Variants in SMURF1 observed in about 807,000 individuals in gnomAD.
SMURF1 encodes SMAD specific E3 ubiquitin protein ligase 1.
Under a neutral mutation model 98.0 loss-of-function variants are expected in SMURF1, and 44 were observed. The ratio of observed to expected loss-of-function variants is 0.45; its 90% CI spans 0.35 to 0.58. The LOEUF (loss-of-function observed/expected upper bound fraction) is 0.58, where lower values mean the gene tolerates loss of function less well. Among genes scored for constraint, SMURF1 ranks in the 20% least tolerant of loss-of-function variants. The pLI is 0.00. For missense variants in SMURF1, 687 were observed against 938.4 expected (o/e 0.73, Z 3.50); for synonymous variants, 396 against 374.9 (o/e 1.06, Z -0.65).
rs751344088 is a variant in SMURF1 at position 99,042,281 on chromosome 7, A to T, written c.1257-49T>A. 3.6e-5 allele frequency: 41 copies of T among 1,128,952 alleles called. No individual in the cohort carries two copies. In the Admixed American group the frequency reaches 7.7e-4, roughly 21 times the overall value. 69.9% of individuals were successfully genotyped at this position (1,128,952 alleles called of 1,614,324 possible). On this transcript the variant is annotated intron_variant, in intron 11 of 17. Coordinates refer to ENST00000361368, the MANE Select transcript of SMURF1 (RefSeq NM_181349.3). ...ATTTGAGACGCGCTAAAATTTCTAC[A>T]TTTTTTTTTTTTCCCTGAGATGGAG...
intron 1 of SMURF1, among the ~76,000 whole-genome samples, chr7:99,121,415 G>A (rs529412496): frequency 6.6e-6 from 1 of 152,056 alleles, no homozygotes; most frequent in Non-Finnish European, 1.5e-5. Flanking sequence ...TTAACACTTA[G>A]CAGACCTATC....
intron 1 of SMURF1, among the ~76,000 whole-genome samples, chr7:99,120,416 A>G (rs1007017103): frequency 6.6e-6 from 1 of 152,104 alleles, no homozygotes; most frequent in Non-Finnish European, 1.5e-5. Flanking sequence ...CTCCAACACA[A>G]CCTAAACAAA....
intron 3 of SMURF1, among the ~76,000 whole-genome samples, chr7:99,060,335 C>T (rs1191825902): frequency 4.8e-5 from 7 of 146,024 alleles, no homozygotes; most frequent in Non-Finnish European, 8.9e-5. Flanking sequence ...GCTGAGATCA[C>T]GCCACCGCAC....
In SMURF1 at chr7:99,047,398, C is replaced by T. The variant is rs566375230; in HGVS notation, c.1152+286G>A. On this transcript the variant is annotated intron_variant, in intron 10 of 17. Transcript: ENST00000361368. ...TCTGTATACACCTCTAGGTTTTCACCTAGAGGTGAAACTATTTAGTTTTTC... is the reference window on the plus strand; with the variant it reads ...TCTGTATACACCTCTAGGTTTTCACTTAGAGGTGAAACTATTTAGTTTTTC... 3.9e-5 allele frequency among the ~76,000 whole-genome samples: 6 copies of T among 152,326 alleles called. No individual in the cohort carries two copies. The East Asian group carries it at 7.7e-4, about 20-fold the overall frequency.
At chr7:99,050,823 T>G in intron 8 of SMURF1, 1 of 871,516 alleles carries the variant, frequency 1.1e-6, no homozygotes, top group Non-Finnish European at 1.7e-6. Flanking sequence ...AAAAATCATA[T>G]TAGGTAGTAA....
chr7:99,083,184 G>GA (rs1243985840), intron 1 of SMURF1, among the ~76,000 whole-genome samples: 3 of 151,916 alleles, frequency 2.0e-5, no homozygotes, highest in African/African-American at 7.3e-5. Context: ...ACCACAGAAT[G>GA]GTACATTTAA....
At chr7:99,037,324 G>GCCT (rs773993275) in intron 14 of SMURF1, 137 bp from the exon 15 acceptor site, 31 of 1,067,362 alleles carry the variant, frequency 2.9e-5, no homozygotes, top group Non-Finnish European at 3.8e-5. Flanking sequence ...TGCAACCTCA[G>GCCT]CCTCCTGGGT....
In SMURF1 at chr7:99,047,811, T is replaced by C; in HGVS notation, c.1025A>G (p.Glu342Gly). ...TCTTTCGTATCTCTGGGCAGGAAGC[T>C]CCTCGTCCTCCAGAGAGCCCTCACT... ...LPSEGSLEDE[E>G]LPAQRYERDL... Residue 342 changes from glutamate (E) to glycine (G), a missense_variant, in exon 10 of 18, where the codon GAG becomes GGG. By Grantham distance (98) the Glu-to-Gly change is moderately conservative. Transcript: ENST00000361368. 1 of 1,614,152 alleles carries C rather than the reference T, an allele frequency of 6.2e-7. No homozygotes were observed. The highest frequency in any genetic ancestry group is 1.1e-5 in the South Asian group (1 of 91,068).
At chr7:99,039,057 G>C (rs1170375655) in intron 13 of SMURF1, among the ~76,000 whole-genome samples, 3 of 151,802 alleles carry the variant, frequency 2.0e-5, no homozygotes, top group Non-Finnish European at 4.4e-5. Context: ...GCCAGGTGTG[G>C]TGGCAGGCGC....
At chr7:99,074,280 T>C (rs1796402394) in intron 1 of SMURF1, among the ~76,000 whole-genome samples, 1 of 152,208 alleles carries the variant, frequency 6.6e-6, no homozygotes, top group Admixed American at 6.5e-5. Flanking sequence ...ATTATATACA[T>C]GTGTTCAGTT....
intron 1 of SMURF1, among the ~76,000 whole-genome samples, chr7:99,079,350 C>T (rs902749069): frequency 2.6e-5 from 4 of 152,190 alleles, no homozygotes; most frequent in African/African-American, 7.2e-5. Context: ...ACAGCGTGTC[C>T]GGTACACAGC....
rs2116913712 is a variant in SMURF1 at position 99,028,855 on chromosome 7, G to A, written c.*1729C>T. 1 of 152,352 alleles carries A rather than the reference G, an allele frequency of 6.6e-6. No individual in the cohort carries two copies. Among genetic ancestry groups the A allele is most frequent in the African/African-American group, 2.4e-5 (1 of 41,568 alleles). 9.4% of individuals were successfully genotyped at this position (152,352 alleles called of 1,614,324 possible). On this transcript the variant is annotated 3_prime_UTR_variant, in exon 18 of 18. Transcript: ENST00000361368. ...AGTTTTCACTTCCTCACCTTCAAGA[G>A]GAAGATGATGCAAGGAAAGGCTGGA...
chr7:99,139,344 T>TA (rs1336049757), intron 1 of SMURF1, among the ~76,000 whole-genome samples: 6 of 152,222 alleles, frequency 3.9e-5, no homozygotes, highest in African/African-American at 1.2e-4. Context: ...TGTTTGGAAT[T>TA]AGAGTTTTTC....
chr7:99,070,607 A>G (rs996258164), intron 1 of SMURF1, among the ~76,000 whole-genome samples: 3 of 151,894 alleles, frequency 2.0e-5, no homozygotes, highest in Non-Finnish European at 2.9e-5. Context: ...TGGCACATGC[A>G]GTTGACTTTA....
chr7:99,136,899 G>A (rs1411802833), intron 1 of SMURF1, among the ~76,000 whole-genome samples: 3 of 152,180 alleles, frequency 2.0e-5, no homozygotes, highest in Non-Finnish European at 4.4e-5. Context: ...GCAGTGAGCT[G>A]TTATGGTGCC....
At chr7:99,031,049 T>G (rs1322788464) in intron 17 of SMURF1, 1 of 187,004 alleles carries the variant, frequency 5.3e-6, no homozygotes, top group Admixed American at 5.4e-5. Flanking sequence ...TACTATTTAC[T>G]GCTTCTATCA....
chr7:99,139,259 C>A (rs1436570092), intron 1 of SMURF1, among the ~76,000 whole-genome samples: 6 of 152,242 alleles, frequency 3.9e-5, no homozygotes, highest in African/African-American at 1.4e-4. Flanking sequence ...GTCACCCTTA[C>A]ATCCCACAAG....
At chr7:99,127,362 T>TAA (rs35208209) in intron 1 of SMURF1, among the ~76,000 whole-genome samples, 6 of 151,950 alleles carry the variant, frequency 3.9e-5, no homozygotes, top group Non-Finnish European at 7.4e-5. Flanking sequence ...AGAGGCATTT[T>TAA]AAAAAAATCT....
chr7:99,054,959 TATC>T, intron 5 of SMURF1, 94 bp from the exon 6 acceptor site: 1 of 1,181,156 alleles, frequency 8.5e-7, no homozygotes, highest in Non-Finnish European at 1.3e-6. Flanking sequence ...TTATGTACAA[TATC>T]ATAAAAAACG....
Sources: allele counts gnomAD v4.1 joint callset (sites outside exome capture counted in the v4.1 genomes callset), GRCh38; gene constraint gnomAD v4.1.1; transcripts MANE v1.5; gene names NCBI Gene and HGNC (gene_info 2026-07-23, HGNC 2026-07-21).